The following SORCS2 variants were observed in gnomAD, a reference collection of about 807,000 sequenced individuals.
SORCS2 encodes VPS10 domain-containing receptor SorCS2.
SORCS2 carries 100 observed loss-of-function variants against 141.6 expected under a neutral mutation model. That is an observed-to-expected ratio of 0.71 (90% CI 0.60 to 0.83). The LOEUF (loss-of-function observed/expected upper bound fraction) is 0.83, where lower values mean the gene tolerates loss of function less well. SORCS2 is among the 40% of genes least tolerant of loss of function. The pLI is 0.00. For missense variants in SORCS2, 1,646 were observed against 1,560.2 expected (o/e 1.05, Z -0.93); for synonymous variants, 789 against 676.9 (o/e 1.17, Z -2.57).
chr4:7,480,682 T>C (rs1730575505), intron 2 of SORCS2, among the ~76,000 whole-genome samples: 1 of 152,128 alleles, frequency 6.6e-6, no homozygotes. Context: ...CAGAACCATG[T>C]GTGATATTGC....
rs528239353 is a variant in SORCS2 at position 7,340,472 on chromosome 4, G to A, written c.481-55816G>A. ...GAGGGCAGCCCGGATCCTGGCCAGC[G>A]CCTACCCTGGAAGGTGCCAGCTTCC... On this transcript the variant is annotated intron_variant, in intron 1 of 26. Transcript: ENST00000507866. Among the ~76,000 whole-genome samples, 600 of 152,356 alleles carry A rather than the reference G, an allele frequency of 3.9e-3. 7 individuals are homozygous for A. Among genetic ancestry groups the A allele is most frequent in the African/African-American group, 0.014 (574 of 41,578 alleles).
chr4:7,687,521 C>A (rs1176396664), intron 10 of SORCS2, among the ~76,000 whole-genome samples: 1 of 152,124 alleles, frequency 6.6e-6, no homozygotes, highest in African/African-American at 2.4e-5. Flanking sequence ...TTTCCGGAAC[C>A]CTCAGATGGC....
chr4:7,343,873 C>T (rs563494479), intron 1 of SORCS2, among the ~76,000 whole-genome samples: 1 of 152,314 alleles, frequency 6.6e-6, no homozygotes, highest in South Asian at 2.1e-4. Flanking sequence ...TGGAGGGGAG[C>T]CCAAGGCTTC....
intron 1 of SORCS2, among the ~76,000 whole-genome samples, chr4:7,386,285 C>T (rs1266073974): frequency 2.5e-5 from 2 of 79,866 alleles, no homozygotes; most frequent in Non-Finnish European, 5.2e-5. Context: ...CACGCACATG[C>T]ACACACATGC....
At chr4:7,695,926 T>TCGTG in intron 11 of SORCS2, among the ~76,000 whole-genome samples, 1 of 39,568 alleles carries the variant, frequency 2.5e-5, no homozygotes, top group African/African-American at 1.2e-4. Context: ...ATGGATGGAT[T>TCGTG]GGTGGGTGGG....
intron 2 of SORCS2, among the ~76,000 whole-genome samples, chr4:7,491,801 G>A (rs1731330353): frequency 6.6e-6 from 1 of 152,202 alleles, no homozygotes; most frequent in South Asian, 2.1e-4. Flanking sequence ...GGAGGGTGAG[G>A]GCTGGCTCAG....
At chr4:7,678,847 G>A (rs566134795) in intron 9 of SORCS2, among the ~76,000 whole-genome samples, 18 of 152,332 alleles carry the variant, frequency 1.2e-4, no homozygotes, top group African/African-American at 4.1e-4. Context: ...TGTATTTGCT[G>A]TGTGGCCGTA....
intron 2 of SORCS2, among the ~76,000 whole-genome samples, chr4:7,414,441 A>G (rs775730886): frequency 1.3e-5 from 2 of 152,166 alleles, no homozygotes; most frequent in Non-Finnish European, 2.9e-5. Context: ...GCCGCGGGGC[A>G]ATGGCTTGGA....
chr4:7,386,173 GCACGCACACA>G (rs1320218027), intron 1 of SORCS2, among the ~76,000 whole-genome samples: 3 of 104,022 alleles, frequency 2.9e-5, no homozygotes, highest in South Asian at 6.9e-4. Context: ...ATACACATGC[GCACGCACACA>G]CATGCACACA....
chr4:7,659,983 G>C (rs1344252413), intron 5 of SORCS2, among the ~76,000 whole-genome samples: 1 of 152,230 alleles, frequency 6.6e-6, no homozygotes, highest in Non-Finnish European at 1.5e-5. Flanking sequence ...GTTTTCACCT[G>C]TCTGGGCCTT....
intron 2 of SORCS2, among the ~76,000 whole-genome samples, chr4:7,531,074 T>C (rs569997172): frequency 6.6e-6 from 1 of 152,196 alleles, no homozygotes; most frequent in Non-Finnish European, 1.5e-5. Context: ...GCCACAGGAA[T>C]GCCTCGGCAC....
chr4:7,472,549 C>A (rs1158302635), intron 2 of SORCS2, among the ~76,000 whole-genome samples: 1 of 152,104 alleles, frequency 6.6e-6, no homozygotes, highest in East Asian at 1.9e-4. Context: ...AGCTGCTGCC[C>A]TCCGGGAGGG....
At chr4:7,668,808 G>T (rs968001628) in intron 8 of SORCS2, among the ~76,000 whole-genome samples, 14 of 152,226 alleles carry the variant, frequency 9.2e-5, no homozygotes, top group African/African-American at 3.4e-4. Context: ...CGACCTTTGG[G>T]GGCTACAGCA....
At chr4:7,718,312 C>T (rs1726340568) in intron 18 of SORCS2, 129 bp downstream of exon 18, 1 of 1,040,732 alleles carries the variant, frequency 9.6e-7, no homozygotes, top group Non-Finnish European at 1.4e-6. Context: ...ATCAGCCAGC[C>T]TGTCCAGACT....
At chr4:7,440,247 T>C (rs4234806) in intron 2 of SORCS2, among the ~76,000 whole-genome samples, 125,661 of 151,812 alleles carry the variant, frequency 0.83, 52,071 homozygotes, top group South Asian at 0.96. Context: ...TGACCTGGAG[T>C]CTGGGACCGG....
At chr4:7,661,865 G>A (rs1027785858) in intron 6 of SORCS2, among the ~76,000 whole-genome samples, 2 of 152,030 alleles carry the variant, frequency 1.3e-5, no homozygotes, top group South Asian at 2.1e-4. Context: ...GTGTGGAGGT[G>A]GGGGGCGGGG....
chr4:7,318,077 G>A (rs1322356256), intron 1 of SORCS2, among the ~76,000 whole-genome samples: 5 of 152,236 alleles, frequency 3.3e-5, no homozygotes, highest in Non-Finnish European at 7.3e-5. Context: ...AGGTGATACA[G>A]CAGCAGACAT....
At chr4:7,686,455 G>A (rs1453018506) in intron 10 of SORCS2, among the ~76,000 whole-genome samples, 1 of 152,174 alleles carries the variant, frequency 6.6e-6, no homozygotes, top group African/African-American at 2.4e-5. Context: ...ACAGAGAAGG[G>A]AGAGTCCTGG....
At chr4:7,364,315 G>A (rs1721754137) in intron 1 of SORCS2, among the ~76,000 whole-genome samples, 1 of 152,244 alleles carries the variant, frequency 6.6e-6, no homozygotes, top group Admixed American at 6.5e-5. Context: ...GAGGTTCTGA[G>A]TTGTCTTTGG....
Sources: allele counts gnomAD v4.1 joint callset (sites outside exome capture counted in the v4.1 genomes callset), GRCh38; gene constraint gnomAD v4.1.1; transcripts MANE v1.5; gene names NCBI Gene and HGNC (gene_info 2026-07-23, HGNC 2026-07-21).